The following LRMDA variants were observed in gnomAD, a reference collection of about 807,000 sequenced individuals.
LRMDA encodes leucine-rich melanocyte differentiation-associated protein.
LRMDA carries 18 observed loss-of-function variants against 29.8 expected under a neutral mutation model. The ratio of observed to expected loss-of-function variants is 0.60; its 90% CI spans 0.42 to 0.90. The LOEUF (loss-of-function observed/expected upper bound fraction) is 0.90. LRMDA is among the 40% of genes least tolerant of loss of function. LRMDA has a pLI of 0.00. For missense variants in LRMDA, 273 were observed against 273.9 expected, an observed-to-expected ratio of 1.00 and a Z score of 0.02; for synonymous variants, 125 against 109.4, an observed-to-expected ratio of 1.14 and a Z score of -0.89.
At chr10:76,490,072 ATT>A (rs1408489501) in intron 6 of LRMDA, among the ~76,000 whole-genome samples, 1 of 151,978 alleles carries the variant, frequency 6.6e-6, no homozygotes, top group Admixed American at 6.6e-5. Context: ...TCAGGAGCAT[ATT>A]GTTTAATTTC....
At chr10:75,778,353 C>T (rs1843339603) in intron 2 of LRMDA, among the ~76,000 whole-genome samples, 1 of 152,192 alleles carries the variant, frequency 6.6e-6, no homozygotes, top group African/African-American at 2.4e-5. Context: ...GCTGGGATTA[C>T]AGACATGAGC....
chr10:76,072,195 C>T (rs1258805413), intron 5 of LRMDA, among the ~76,000 whole-genome samples: 3 of 152,190 alleles, frequency 2.0e-5, no homozygotes, highest in Non-Finnish European at 4.4e-5. Flanking sequence ...AAGAGCAGTT[C>T]AAGCTGAGTC....
chr10:76,328,200 A>C (rs148716669), intron 6 of LRMDA, among the ~76,000 whole-genome samples: 159 of 152,294 alleles, frequency 1.0e-3, no homozygotes, highest in African/African-American at 3.6e-3. Context: ...GGCTGTGTCC[A>C]TGTTATGAGG....
chr10:75,596,859 C>T (rs1361951755), intron 2 of LRMDA, among the ~76,000 whole-genome samples: 1 of 152,056 alleles, frequency 6.6e-6, no homozygotes, highest in Non-Finnish European at 1.5e-5. Context: ...AGAAATTGTG[C>T]CAGTTACTTT....
At chr10:76,225,609 C>T (rs1851938648) in intron 5 of LRMDA, among the ~76,000 whole-genome samples, 1 of 151,960 alleles carries the variant, frequency 6.6e-6, no homozygotes, top group Non-Finnish European at 1.5e-5. Flanking sequence ...CTTTTCTTCT[C>T]TCTCCATGTG....
chr10:76,377,801 T>C (rs1841539828), intron 6 of LRMDA, among the ~76,000 whole-genome samples: 1 of 152,214 alleles, frequency 6.6e-6, no homozygotes, highest in Non-Finnish European at 1.5e-5. Flanking sequence ...TAATTTGAAG[T>C]CAGGTAATGT....
chr10:76,123,945 T>C (rs191076543), intron 5 of LRMDA, among the ~76,000 whole-genome samples: 1 of 152,244 alleles, frequency 6.6e-6, no homozygotes, highest in African/African-American at 2.4e-5. Flanking sequence ...TTATTACTAT[T>C]ACCAAAGAGG....
intron 5 of LRMDA, among the ~76,000 whole-genome samples, chr10:76,271,520 G>A (rs1207406680): frequency 2.0e-5 from 3 of 152,072 alleles, no homozygotes. Context: ...TGGTAACAAA[G>A]GAATGCTCCC....
At chr10:76,147,589 A>T (rs957396509) in intron 5 of LRMDA, among the ~76,000 whole-genome samples, 1 of 151,512 alleles carries the variant, frequency 6.6e-6, no homozygotes, top group Non-Finnish European at 1.5e-5. Context: ...CATTCGTCTA[A>T]TTTTTTTTCA....
intron 6 of LRMDA, among the ~76,000 whole-genome samples, chr10:76,437,996 C>T (rs1429124949): frequency 6.6e-6 from 1 of 152,150 alleles, no homozygotes; most frequent in Non-Finnish European, 1.5e-5. Flanking sequence ...ACCTAGTCAG[C>T]GGCAACTCTC....
At chr10:75,691,111 TATATATCTATATACATAG>T (rs1428096667) in intron 2 of LRMDA, among the ~76,000 whole-genome samples, 1 of 81,804 alleles carries the variant, frequency 1.2e-5, no homozygotes, top group Admixed American at 1.0e-4. Flanking sequence ...TATATAGATC[TATATATCTATATACATAG>T]ATATATAGAT....
intron 5 of LRMDA, among the ~76,000 whole-genome samples, chr10:76,319,791 G>C (rs1292908356): frequency 1.3e-5 from 2 of 152,170 alleles, no homozygotes; most frequent in Non-Finnish European, 2.9e-5. Context: ...ACTTTCTGTG[G>C]TGTATGATTT....
intron 2 of LRMDA, among the ~76,000 whole-genome samples, chr10:75,620,264 A>G (rs1589137339): frequency 6.6e-6 from 1 of 152,360 alleles, no homozygotes; most frequent in East Asian, 1.9e-4. Flanking sequence ...TGTACCTGTT[A>G]TGGAATAAAA....
At chr10:75,558,240 A>C (rs1840241556) in intron 2 of LRMDA, among the ~76,000 whole-genome samples, 1 of 151,306 alleles carries the variant, frequency 6.6e-6, no homozygotes, top group African/African-American at 2.4e-5. Context: ...TACCTCCCTG[A>C]AAATTAGTCT....
chr10:76,053,949 G>A (rs539064052), intron 4 of LRMDA, among the ~76,000 whole-genome samples: 8 of 152,276 alleles, frequency 5.3e-5, no homozygotes, highest in African/African-American at 1.9e-4. Context: ...TCTGGGGATG[G>A]GGCCCTGCCA....
intron 3 of LRMDA, among the ~76,000 whole-genome samples, chr10:76,036,880 G>A (rs2132030430): frequency 6.6e-6 from 1 of 152,224 alleles, no homozygotes; most frequent in East Asian, 1.9e-4. Flanking sequence ...CCCGGCACTA[G>A]AATGCCAGCT....
chr10:75,905,971 T>C (rs1036656898), intron 2 of LRMDA, among the ~76,000 whole-genome samples: 1 of 151,488 alleles, frequency 6.6e-6, no homozygotes, highest in Admixed American at 6.6e-5. Context: ...CATTATTTGT[T>C]CTCTAGTCTC....
At chr10:76,071,047 A>G (rs975801087) in intron 5 of LRMDA, among the ~76,000 whole-genome samples, 1 of 152,220 alleles carries the variant, frequency 6.6e-6, no homozygotes, top group Non-Finnish European at 1.5e-5. Context: ...TGCCTGGTGC[A>G]GAAGTGAGCC....
At chr10:75,603,777 G>C (rs982988451) in intron 2 of LRMDA, among the ~76,000 whole-genome samples, 2 of 152,210 alleles carry the variant, frequency 1.3e-5, no homozygotes, top group African/African-American at 4.8e-5. Flanking sequence ...AGGCAATTCA[G>C]ACATTGATAG....
Sources: gnomAD v4.1 joint callset for allele counts (sites outside exome capture counted in the v4.1 genomes callset) on GRCh38, gnomAD v4.1.1 for gene constraint, MANE v1.5 for transcripts, NCBI Gene and HGNC (gene_info 2026-07-23, HGNC 2026-07-21) for gene names.